DLG2: variants seen among roughly 807,000 people sequenced by gnomAD.
The protein encoded by DLG2 is disks large homolog 2.
In DLG2, 45 loss-of-function variants were observed where a neutral mutation model predicts 132.5. That is an observed-to-expected ratio of 0.34 (90% CI 0.27 to 0.44). The LOEUF (loss-of-function observed/expected upper bound fraction) is 0.44, where lower values mean the gene tolerates loss of function less well. DLG2 is among the 20% of genes least tolerant of loss of function. The probability of loss-of-function intolerance (pLI) is 1.00; values close to 1 mark genes in which losing one functional copy is unlikely to be tolerated. For missense variants in DLG2, 1,045 were observed against 1,196.9 expected (o/e 0.87, Z 1.87); for synonymous variants, 424 against 419.6 (o/e 1.01, Z -0.13).
rs1341823604 is a variant in DLG2, at chr11:84,998,649, A to C, written c.357+113012T>G. Among the ~76,000 whole-genome samples, 4 of 152,304 alleles carry C rather than the reference A, an allele frequency of 2.6e-5. No homozygotes were observed. The South Asian group carries it at 8.3e-4, about 32-fold the overall frequency. On this transcript the variant is annotated intron_variant, in intron 6 of 27. Transcript: ENST00000376104. ...AATTTGGCACCAAGAAAATCTGAGC[A>C]GGTACGTAAAGTATGTCCTTTTATA...
At chr11:84,349,549 C>A (rs1384828161) in intron 7 of DLG2, among the ~76,000 whole-genome samples, 2 of 152,142 alleles carry the variant, frequency 1.3e-5, no homozygotes, top group Non-Finnish European at 2.9e-5. Flanking sequence ...GAATGACACA[C>A]CCTTGGATGT....
At chr11:84,948,699 A>G (rs144778651) in intron 6 of DLG2, among the ~76,000 whole-genome samples, 3 of 152,322 alleles carry the variant, frequency 2.0e-5, no homozygotes, top group African/African-American at 4.8e-5. Context: ...TTGGCCACCA[A>G]TATAAACCTA....
chr11:84,177,303 C>T (rs1160240228), intron 8 of DLG2, among the ~76,000 whole-genome samples: 2 of 152,144 alleles, frequency 1.3e-5, no homozygotes, highest in Non-Finnish European at 2.9e-5. Context: ...GCCTTTCTTT[C>T]TCTAGCCCTC....
chr11:84,119,147 GA>G (rs966733169), intron 9 of DLG2, among the ~76,000 whole-genome samples: 41 of 142,374 alleles, frequency 2.9e-4, no homozygotes, highest in East Asian at 1.8e-3. Flanking sequence ...GACAACCTCA[GA>G]AAAAAAAAAA....
At chr11:83,693,719 G>A (rs2081390920) in intron 18 of DLG2, 1 of 152,090 alleles carries the variant, frequency 6.6e-6, no homozygotes, top group Non-Finnish European at 1.5e-5. Context: ...GATTGCTATT[G>A]TCTCTCTTTC....
intron 15 of DLG2, among the ~76,000 whole-genome samples, chr11:83,891,854 A>G (rs1483696096): frequency 6.6e-6 from 1 of 152,148 alleles, no homozygotes; most frequent in African/African-American, 2.4e-5. Flanking sequence ...AGGATGTTTG[A>G]CTTCATGGGA....
chr11:85,073,293 A>T (rs1318245531), intron 6 of DLG2, among the ~76,000 whole-genome samples: 1 of 151,836 alleles, frequency 6.6e-6, no homozygotes. Flanking sequence ...TGTGATGGTG[A>T]AAACAAATGG....
chr11:85,356,016 T>C (rs142386348), intron 3 of DLG2, among the ~76,000 whole-genome samples: 38 of 152,332 alleles, frequency 2.5e-4, no homozygotes, highest in African/African-American at 8.2e-4. Flanking sequence ...TTTAGCTCTT[T>C]AGACCCAGAG....
In DLG2 at chr11:84,173,830, C is replaced by T. The variant is rs578093460; in HGVS notation, c.574-10319G>A. Among the ~76,000 whole-genome samples, 8 of 152,160 alleles carry T rather than the reference C, an allele frequency of 5.3e-5. No homozygotes were observed. In the South Asian group the frequency reaches 1.5e-3, roughly 28 times the overall value. The stretch of plus-strand genomic sequence containing the variant: ...CATACAGTATTTGGCACTAGAGTGA[C>T]CACCCACCACTCGCAACTTCCCTTT... On this transcript the variant is annotated intron_variant, in intron 8 of 27. Transcript: ENST00000376104.
chr11:83,517,870 G>A (rs927405081), intron 21 of DLG2, among the ~76,000 whole-genome samples: 3 of 152,292 alleles, frequency 2.0e-5, no homozygotes, highest in South Asian at 2.1e-4. Flanking sequence ...CTGCCTGATC[G>A]TTCCTCTGGC....
At chr11:83,834,972 A>G (rs1458766946) in intron 16 of DLG2, among the ~76,000 whole-genome samples, 1 of 152,204 alleles carries the variant, frequency 6.6e-6, no homozygotes, top group East Asian at 1.9e-4. Flanking sequence ...TGTATTTTAT[A>G]CTAATGGCTA....
chr11:84,886,671 A>G (rs2088377545), intron 6 of DLG2, among the ~76,000 whole-genome samples: 3 of 152,162 alleles, frequency 2.0e-5, no homozygotes, highest in African/African-American at 7.2e-5. Context: ...CATAACCTTA[A>G]TGAAGCAGTT....
At chr11:83,895,145 C>CTTTTTTTTTTTTTTTTTTT (rs11287512) in intron 15 of DLG2, among the ~76,000 whole-genome samples, 4 of 87,902 alleles carry the variant, frequency 4.6e-5, no homozygotes, top group African/African-American at 2.0e-4. Context: ...GAACTACTGT[C>CTTTTTTTTTTTTTTTTTTT]TTTTTTTTTT....
At chr11:84,528,880 T>G (rs1259916768) in intron 7 of DLG2, among the ~76,000 whole-genome samples, 3 of 152,184 alleles carry the variant, frequency 2.0e-5, no homozygotes, top group Admixed American at 2.0e-4. Context: ...CCTATTGCTA[T>G]AAAAATGCTA....
intron 3 of DLG2, among the ~76,000 whole-genome samples, chr11:85,314,636 G>T (rs192278411): frequency 2.0e-5 from 3 of 151,952 alleles, no homozygotes; most frequent in Non-Finnish European, 2.9e-5. Flanking sequence ...TTATTTAGGA[G>T]GAGCAATAAG....
At chr11:84,138,948 CAAAAAAAA>C (rs5793107) in intron 9 of DLG2, among the ~76,000 whole-genome samples, 1 of 92,042 alleles carries the variant, frequency 1.1e-5, no homozygotes, top group Admixed American at 1.2e-4. Context: ...GACTCCATCT[CAAAAAAAA>C]AAAAAAAAAA....
intron 9 of DLG2, among the ~76,000 whole-genome samples, chr11:84,146,848 G>A (rs2095103793): frequency 6.6e-6 from 1 of 152,070 alleles, no homozygotes. Flanking sequence ...TATAACATGG[G>A]AATTGGAAGT....
At chr11:83,764,348 T>C (rs188719883) in intron 18 of DLG2, among the ~76,000 whole-genome samples, 60 of 152,306 alleles carry the variant, frequency 3.9e-4, no homozygotes, top group Admixed American at 6.5e-4. Context: ...AGACATTCAA[T>C]ATATGGTTGT....
At chr11:85,177,536 G>T (rs913237342) in intron 4 of DLG2, among the ~76,000 whole-genome samples, 2 of 152,054 alleles carry the variant, frequency 1.3e-5, no homozygotes, top group African/African-American at 2.4e-5. Context: ...GGCAGAGTGA[G>T]GGAGAGCATC....
Sources: allele counts gnomAD v4.1 joint callset (sites outside exome capture counted in the v4.1 genomes callset), GRCh38; gene constraint gnomAD v4.1.1; transcripts MANE v1.5; gene names NCBI Gene and HGNC (gene_info 2026-07-23, HGNC 2026-07-21).